The following TSPAN5 variants were observed in gnomAD, a reference collection of about 807,000 sequenced individuals.
The protein encoded by TSPAN5 is tetraspanin 5, also known as tetraspanin-5.
In TSPAN5, 10 loss-of-function variants were observed where a neutral mutation model predicts 37.1. The observed-to-expected ratio is 0.27, with a 90% CI of 0.17 to 0.46. The LOEUF (loss-of-function observed/expected upper bound fraction) is 0.46, where lower values mean the gene tolerates loss of function less well. Ranked by LOEUF, TSPAN5 falls within the 20% of genes least tolerant of loss-of-function variation. The pLI, the probability that TSPAN5 is intolerant of heterozygous loss-of-function variation, is 1.00. For missense variants in TSPAN5, 195 were observed against 326.6 expected, an observed-to-expected ratio of 0.60 and a Z score of 3.11; for synonymous variants, 110 against 118.9, an observed-to-expected ratio of 0.93 and a Z score of 0.48.
chr4:98,535,062 G>T (rs1346511396), intron 1 of TSPAN5, among the ~76,000 whole-genome samples: 1 of 152,192 alleles, frequency 6.6e-6, no homozygotes, highest in Non-Finnish European at 1.5e-5. Flanking sequence ...GTGTGAATTT[G>T]ATCCTGTCAT....
At chr4:98,564,584 T>C (rs1050557702) in intron 1 of TSPAN5, among the ~76,000 whole-genome samples, 4 of 58,060 alleles carry the variant, frequency 6.9e-5, no homozygotes, top group African/African-American at 6.4e-4. Context: ...ATTCATTTGT[T>C]GCCCCAAATT....
At chr4:98,552,499 C>G (rs938757452) in intron 1 of TSPAN5, among the ~76,000 whole-genome samples, 1 of 152,156 alleles carries the variant, frequency 6.6e-6, no homozygotes. Context: ...TTTCCAATTA[C>G]AACACCTTGG....
At chr4:98,481,451 G>A (rs916285720) in intron 4 of TSPAN5, among the ~76,000 whole-genome samples, 8 of 152,094 alleles carry the variant, frequency 5.3e-5, no homozygotes, top group East Asian at 3.9e-4. Flanking sequence ...AGAGTGGCCC[G>A]GATTCCACTG....
chr4:98,512,268 G>T (rs908591566), intron 1 of TSPAN5, among the ~76,000 whole-genome samples: 23 of 152,082 alleles, frequency 1.5e-4, no homozygotes, highest in African/African-American at 5.3e-4. Flanking sequence ...TCATAAAGGT[G>T]CCTGAGCTAC....
In TSPAN5 at chr4:98,488,276, G is replaced by A. The variant is rs190165269; in HGVS notation, c.133-1392C>T. Among the ~76,000 whole-genome samples, 291 of 148,742 alleles carry A rather than the reference G, an allele frequency of 2.0e-3. 3 individuals are homozygous for A. The highest frequency in any genetic ancestry group is 6.8e-3 in the African/African-American group (280 of 41,258). On this transcript the variant is annotated intron_variant, in intron 2 of 7. Coordinates refer to ENST00000305798, the MANE Select transcript of TSPAN5 (RefSeq NM_005723.4). ...AGCACTAACCAACATCTGAACTTAG[G>A]AGTTTTAAGTTTTAATCCATTTAAA... is the stretch of plus-strand genomic sequence containing the variant.
At chr4:98,582,187 G>C (rs996533790) in intron 1 of TSPAN5, among the ~76,000 whole-genome samples, 2 of 152,216 alleles carry the variant, frequency 1.3e-5, no homozygotes, top group African/African-American at 4.8e-5. Flanking sequence ...CGGTTCTCTT[G>C]TCCAGCGCAT....
intron 1 of TSPAN5, among the ~76,000 whole-genome samples, chr4:98,562,476 C>T (rs991095627): frequency 6.6e-6 from 1 of 152,120 alleles, no homozygotes; most frequent in Non-Finnish European, 1.5e-5. Context: ...TCCTGTACAA[C>T]ATGGTGAAAC....
chr4:98,508,587 C>T (rs1179470363), intron 1 of TSPAN5, among the ~76,000 whole-genome samples: 1 of 144,254 alleles, frequency 6.9e-6, no homozygotes, highest in Non-Finnish European at 1.5e-5. Flanking sequence ...TGCAGTGGCT[C>T]AATCACAGTT....
chr4:98,505,423 C>T (rs976651656), intron 2 of TSPAN5, among the ~76,000 whole-genome samples: 40 of 152,238 alleles, frequency 2.6e-4, no homozygotes, highest in Non-Finnish European at 3.5e-4. Context: ...CACCAAAGTC[C>T]CTGCCTCAGG....
intron 2 of TSPAN5, among the ~76,000 whole-genome samples, chr4:98,501,292 T>C (rs988180707): frequency 6.6e-5 from 10 of 152,322 alleles, no homozygotes; most frequent in Admixed American, 3.3e-4. Flanking sequence ...GCTAATATAG[T>C]ATGCTTACTG....
At chr4:98,577,316 C>T (rs182075253) in intron 1 of TSPAN5, among the ~76,000 whole-genome samples, 105 of 152,268 alleles carry the variant, frequency 6.9e-4, no homozygotes, top group Admixed American at 1.8e-3. Flanking sequence ...TACTGACATA[C>T]TGATTTAAAA....
At chr4:98,485,762 C>CTTTTTTTTTATTTTTTTTTTTTTT (rs1752946007) in intron 3 of TSPAN5, among the ~76,000 whole-genome samples, 1 of 86,602 alleles carries the variant, frequency 1.2e-5, no homozygotes, top group African/African-American at 4.5e-5. Flanking sequence ...CTTGGATATG[C>CTTTTTTTTTATTTTTTTTTTTTTT]TTTTTTTTTT....
In TSPAN5 at chr4:98,511,781, T is replaced by C. The variant is rs1166008639; in HGVS notation, c.82-4053A>G. Reference sequence around the variant, plus strand: ...TTAATTTCATTTCACTTTTTAAAGATAGCTATGGAAAACGTAAACTACATA... The same window carrying C: ...TTAATTTCATTTCACTTTTTAAAGACAGCTATGGAAAACGTAAACTACATA... On this transcript the variant is annotated intron_variant, in intron 1 of 7. Transcript: ENST00000305798. 2.0e-5 allele frequency among the ~76,000 whole-genome samples: 3 copies of C among 152,226 alleles called. 1 individual carries two copies. Among genetic ancestry groups the C allele is most frequent in the East Asian group, 3.8e-4 (2 of 5,204 alleles).
chr4:98,587,982 G>A (rs4699353), intron 1 of TSPAN5, among the ~76,000 whole-genome samples: 86,776 of 151,866 alleles, frequency 0.57, 24,838 homozygotes, highest in South Asian at 0.69. Flanking sequence ...TGGTCTCTTC[G>A]GCATTTCCCT....
At chr4:98,549,283 TG>T (rs1754548048) in intron 1 of TSPAN5, among the ~76,000 whole-genome samples, 5 of 143,950 alleles carry the variant, frequency 3.5e-5, no homozygotes, top group South Asian at 2.1e-4. Flanking sequence ...GTTTTATTTT[TG>T]TTTGTTTGTT....
At chr4:98,560,729 C>T (rs1032054153) in intron 1 of TSPAN5, among the ~76,000 whole-genome samples, 1 of 152,106 alleles carries the variant, frequency 6.6e-6, no homozygotes, top group East Asian at 1.9e-4. Flanking sequence ...TGCAGGGGAG[C>T]ACAATAAACT....
Position 98,623,661 on chromosome 4 carries a change from T to C in TSPAN5, c.81+34485A>G, listed in dbSNP as rs551355481. On this transcript the variant is annotated intron_variant, in intron 1 of 7. Coordinates refer to ENST00000305798, the MANE Select transcript of TSPAN5 (RefSeq NM_005723.4). ...AAGGACTCTTGGGATTAAATAAACA[T>C]TGCCTTTAGAAGAGTATAGGAAACA... Among the ~76,000 whole-genome samples, 5 of 152,348 alleles carry C rather than the reference T, an allele frequency of 3.3e-5. No homozygotes were observed. In the South Asian group the frequency reaches 1.0e-3, roughly 32 times the overall value.
At chr4:98,652,236 A>T (rs1757207127) in intron 1 of TSPAN5, among the ~76,000 whole-genome samples, 1 of 152,154 alleles carries the variant, frequency 6.6e-6, no homozygotes, top group Non-Finnish European at 1.5e-5. Context: ...GACAGCCCCC[A>T]CACTTGAAGC....
chr4:98,524,415 A>G (rs1433347558), intron 1 of TSPAN5, among the ~76,000 whole-genome samples: 1 of 152,204 alleles, frequency 6.6e-6, no homozygotes, highest in Non-Finnish European at 1.5e-5. Flanking sequence ...CTCAGTCAGC[A>G]GGGAAGTTTT....
Sources: gnomAD v4.1 joint callset for allele counts (sites outside exome capture counted in the v4.1 genomes callset) on GRCh38, gnomAD v4.1.1 for gene constraint, MANE v1.5 for transcripts, NCBI Gene and HGNC (gene_info 2026-07-23, HGNC 2026-07-21) for gene names.